The following TMEM266 variants were observed in gnomAD, a reference collection of about 807,000 sequenced individuals.
TMEM266 encodes the protein transmembrane protein 266.
Under a neutral mutation model 50.5 loss-of-function variants are expected in TMEM266, and 33 were observed. The ratio of observed to expected loss-of-function variants is 0.65; its 90% CI spans 0.50 to 0.87. TMEM266 has a LOEUF of 0.87. Among genes scored for constraint, TMEM266 ranks in the 40% least tolerant of loss-of-function variants. The pLI is 0.00. For synonymous variants in TMEM266, 310 were observed against 292.3 expected, an observed-to-expected ratio of 1.06 and a Z score of -0.62; for missense variants, 655 against 695.1, an observed-to-expected ratio of 0.94 and a Z score of 0.65.
At chr15:76,127,809 C>T (rs1239326862) in intron 1 of TMEM266, among the ~76,000 whole-genome samples, 1 of 152,132 alleles carries the variant, frequency 6.6e-6, no homozygotes, top group Non-Finnish European at 1.5e-5. Context: ...AACTACTTTA[C>T]CTTGAGCAAA....
chr15:76,180,607 C>CTTTTTTTTTTTTT (rs59287886), intron 8 of TMEM266, among the ~76,000 whole-genome samples: 1 of 63,170 alleles, frequency 1.6e-5, no homozygotes, highest in African/African-American at 6.5e-5. Context: ...TCATCTTAAG[C>CTTTTTTTTTTTTT]TTTTTTTTTT....
At chr15:76,129,322 A>G (rs973925204) in intron 1 of TMEM266, among the ~76,000 whole-genome samples, 20 of 152,160 alleles carry the variant, frequency 1.3e-4, no homozygotes, top group African/African-American at 4.3e-4. Flanking sequence ...TATAGGAAAC[A>G]TAGGGGACAG....
At chr15:76,178,691 C>A (rs769171801) in intron 8 of TMEM266, 1 of 152,268 alleles carries the variant, frequency 6.6e-6, no homozygotes, top group Non-Finnish European at 1.5e-5. Flanking sequence ...CATGTGGCCT[C>A]CTTCCCGGGG....
At chr15:76,061,991 T>G (rs2036312389) in intron 1 of TMEM266, among the ~76,000 whole-genome samples, 1 of 152,236 alleles carries the variant, frequency 6.6e-6, no homozygotes, top group Non-Finnish European at 1.5e-5. Context: ...TCAAAGTTCT[T>G]GGAATCTCTG....
intron 8 of TMEM266, chr15:76,191,428 A>G (rs1420699678): frequency 6.6e-6 from 1 of 152,340 alleles, no homozygotes; most frequent in Non-Finnish European, 1.5e-5. Flanking sequence ...CCAGGAAGCC[A>G]CACGGCTTGG....
intron 3 of TMEM266, among the ~76,000 whole-genome samples, chr15:76,138,572 T>C (rs1207725660): frequency 1.3e-5 from 2 of 152,200 alleles, no homozygotes; most frequent in Non-Finnish European, 2.9e-5. Context: ...AGCTGCACTT[T>C]CCCTTTATAA....
At chr15:76,061,141 A>G (rs2036294965) in intron 1 of TMEM266, among the ~76,000 whole-genome samples, 1 of 152,194 alleles carries the variant, frequency 6.6e-6, no homozygotes, top group Non-Finnish European at 1.5e-5. Context: ...TGTGATGAAA[A>G]GAATAGTAAG....
chr15:76,099,485 C>T (rs1388087013), intron 1 of TMEM266, among the ~76,000 whole-genome samples: 1 of 152,232 alleles, frequency 6.6e-6, no homozygotes, highest in Non-Finnish European at 1.5e-5. Context: ...CTGTGTCGAC[C>T]TCGCTGGGAG....
At chr15:76,121,938 T>G (rs1266336413) in intron 1 of TMEM266, among the ~76,000 whole-genome samples, 1 of 152,268 alleles carries the variant, frequency 6.6e-6, no homozygotes, top group African/African-American at 2.4e-5. Context: ...TCATTTATCT[T>G]GATAACCTCA....
chr15:76,128,994 CAAAT>C lies in TMEM266; in HGVS notation c.-96-5170_-96-5167del, dbSNP rs547423841. 7.9e-5 allele frequency among the ~76,000 whole-genome samples: 12 copies of C among 152,224 alleles called. 1 individual carries two copies. The highest frequency in any genetic ancestry group is 3.4e-3 in the Middle Eastern group (1 of 292). ...AGATGCTAATTCATTATTTTGAAAA[CAAAT>C]AAAGGGGCGAAAGTTAAGCATTTTC... On this transcript the variant is annotated intron_variant, in intron 1 of 10. Transcript: ENST00000388942.
chr15:76,204,463 G>C lies in TMEM266; in HGVS notation c.*148G>C. ...GCCTGCCTCCAGGGAGGCGACGCCA[G>C]GCCAGGAGGCCACAAGCTTCAGACC... On this transcript the variant is annotated 3_prime_UTR_variant, in exon 11 of 11. Transcript: ENST00000388942. The C allele has an allele frequency of 1.5e-6, 1 of 670,042 alleles. No homozygotes were observed. The highest frequency in any genetic ancestry group is 2.3e-5 in the South Asian group (1 of 42,686). The allele number at this position is 670,042 out of a possible 1,614,324, so 41.5% of individuals were successfully genotyped here. A position where few individuals can be genotyped will look rare whatever the true frequency, so the allele number is the denominator to read the frequency against.
At chr15:76,184,727 C>T (rs1461062240) in intron 8 of TMEM266, among the ~76,000 whole-genome samples, 2 of 152,206 alleles carry the variant, frequency 1.3e-5, no homozygotes, top group Non-Finnish European at 2.9e-5. Flanking sequence ...CGTCCTGCCG[C>T]CCCGGTGGGT....
chr15:76,150,308 C>A (rs1293555008), intron 3 of TMEM266, among the ~76,000 whole-genome samples: 1 of 152,170 alleles, frequency 6.6e-6, no homozygotes, highest in African/African-American at 2.4e-5. Context: ...AGCCCAGGGC[C>A]CCAGGCTTCG....
chr15:76,173,412 C>G (rs961562454), intron 7 of TMEM266, among the ~76,000 whole-genome samples: 1 of 152,082 alleles, frequency 6.6e-6, no homozygotes, highest in Non-Finnish European at 1.5e-5. Flanking sequence ...GTGTTAAAGT[C>G]AGGAGTGGAC....
intron 1 of TMEM266, among the ~76,000 whole-genome samples, chr15:76,130,804 T>A (rs1054714361): frequency 2.6e-5 from 4 of 152,046 alleles, no homozygotes; most frequent in African/African-American, 9.7e-5. Flanking sequence ...TATTTGAAAT[T>A]TTCCTTCCTA....
At chr15:76,130,736 G>A (rs567172127) in intron 1 of TMEM266, among the ~76,000 whole-genome samples, 2 of 152,276 alleles carry the variant, frequency 1.3e-5, no homozygotes, top group East Asian at 1.9e-4. Flanking sequence ...AGTTAATAAC[G>A]TTGACGTTGG....
chr15:76,165,904 G>A (rs148938398), intron 5 of TMEM266, among the ~76,000 whole-genome samples: 162 of 152,318 alleles, frequency 1.1e-3, no homozygotes, highest in African/African-American at 3.6e-3. Flanking sequence ...GGGCAGGGTC[G>A]CCTCACACAT....
Position 76,171,150 on chromosome 15 carries a change from G to C in TMEM266, c.652+19G>C, listed in dbSNP as rs142734997. ...ATTGATGGTGAGTGGCCCGAGGGGGGTGTGGTCAGTGGGGCTGCTCCAGAA... is the reference window on the plus strand; with the variant it reads ...ATTGATGGTGAGTGGCCCGAGGGGGCTGTGGTCAGTGGGGCTGCTCCAGAA... On this transcript the variant is annotated intron_variant, in intron 7 of 10. Transcript: ENST00000388942. 3 of 1,611,942 alleles carry C rather than the reference G, an allele frequency of 1.9e-6. No homozygotes were observed. Among genetic ancestry groups the C allele is most frequent in the East Asian group, 2.2e-5 (1 of 44,820 alleles).
At chr15:76,091,801 C>A (rs2036852945) in intron 1 of TMEM266, among the ~76,000 whole-genome samples, 1 of 151,688 alleles carries the variant, frequency 6.6e-6, no homozygotes, top group African/African-American at 2.4e-5. Flanking sequence ...CCAGCCTGGG[C>A]AACATAGTGA....
Sources: gnomAD v4.1 joint callset for allele counts (sites outside exome capture counted in the v4.1 genomes callset) on GRCh38, gnomAD v4.1.1 for gene constraint, MANE v1.5 for transcripts, NCBI Gene and HGNC (gene_info 2026-07-23, HGNC 2026-07-21) for gene names.